The following HK1 variants were observed in gnomAD, a reference collection of about 807,000 sequenced individuals.
HK1 encodes hexokinase 1.
Under a neutral mutation model 91.6 loss-of-function variants are expected in HK1, and 28 were observed. The observed-to-expected ratio is 0.31, with a 90% confidence interval of 0.23 to 0.42. The LOEUF is 0.42. Among genes scored for constraint, HK1 ranks in the 10% least tolerant of loss-of-function variants. The probability of loss-of-function intolerance (pLI) is 1.00; values close to 1 mark genes in which losing one functional copy is unlikely to be tolerated. For missense variants in HK1, 770 were observed against 1,219.8 expected, an observed-to-expected ratio of 0.63 and a Z score of 5.49; for synonymous variants, 430 against 468.1, an observed-to-expected ratio of 0.92 and a Z score of 1.05.
At chr10:69,303,323 A>C (rs558722136) in intron 5 of HK1, among the ~76,000 whole-genome samples, 22 of 152,244 alleles carry the variant, frequency 1.4e-4, no homozygotes, top group South Asian at 4.1e-4. Context: ...AATAACACAC[A>C]TGTATTATCT....
intron 2 of HK1, among the ~76,000 whole-genome samples, chr10:69,353,256 G>T (rs1349487705): frequency 6.6e-6 from 1 of 152,140 alleles, no homozygotes; most frequent in Non-Finnish European, 1.5e-5. Flanking sequence ...AATGGTCGAT[G>T]ATTTAATCAA....
intron 7 of HK1, among the ~76,000 whole-genome samples, chr10:69,373,310 T>C (rs895338914): frequency 1.3e-5 from 2 of 152,220 alleles, no homozygotes; most frequent in Admixed American, 1.3e-4. Context: ...CTGTATACAG[T>C]GGACAGGGAG....
intron 4 of HK1, among the ~76,000 whole-genome samples, chr10:69,367,635 C>T (rs1849774818): frequency 1.3e-5 from 2 of 150,360 alleles, no homozygotes; most frequent in South Asian, 2.1e-4. Context: ...ATACTCCAGT[C>T]TGTGTGGCTC....
At chr10:69,371,079 C>T (rs934656395) in intron 7 of HK1, among the ~76,000 whole-genome samples, 4 of 152,188 alleles carry the variant, frequency 2.6e-5, no homozygotes, top group African/African-American at 9.7e-5. Flanking sequence ...CCCAAAAGAT[C>T]TCAGTACTGC....
chr10:69,297,145 T>G (rs1238675627), intron 4 of HK1, among the ~76,000 whole-genome samples: 4 of 152,218 alleles, frequency 2.6e-5, no homozygotes, highest in Non-Finnish European at 5.9e-5. Context: ...TAACATAAAG[T>G]CAATTAACAA....
chr10:69,324,608 G>A (rs1426326920), intron 1 of HK1, among the ~76,000 whole-genome samples: 1 of 152,136 alleles, frequency 6.6e-6, no homozygotes, highest in African/African-American at 2.4e-5. Context: ...AAAAAATGAA[G>A]TATTTGCTGT....
intron 2 of HK1, among the ~76,000 whole-genome samples, chr10:69,285,894 G>T (rs1240986037): frequency 1.3e-5 from 2 of 152,170 alleles, no homozygotes; most frequent in African/African-American, 2.4e-5. Flanking sequence ...CAGTCCCAAG[G>T]GTTCCTTCCC....
intron 2 of HK1, among the ~76,000 whole-genome samples, chr10:69,349,640 G>A (rs1001920108): frequency 2.6e-5 from 4 of 152,180 alleles, no homozygotes; most frequent in East Asian, 1.9e-4. Context: ...CAACCCCTGA[G>A]CTAGCCACAT....
chr10:69,387,527 T>A, intron 13 of HK1, among the ~76,000 whole-genome samples: 1 of 129,296 alleles, frequency 7.7e-6, no homozygotes, highest in East Asian at 2.4e-4. Flanking sequence ...GCTCAAGCAA[T>A]CTGCTCGCCT....
chr10:69,312,291 C>T (rs2132539216), upstream of HK1, among the ~76,000 whole-genome samples: 1 of 152,298 alleles, frequency 6.6e-6, no homozygotes, highest in South Asian at 2.1e-4. Context: ...GGCTGGAGGG[C>T]AGTGGCATGA....
Position 69,380,155 on chromosome 10 carries a change from C to T in HK1, c.1265+60C>T, listed in dbSNP as rs1200798906. ...ACCCATTGTGGGTAGGGACCTTCTC[C>T]AGAGATCAGACTTTTGTACCCGGTA... On this transcript the variant is annotated intron_variant, in intron 9 of 17. Coordinates refer to ENST00000359426, the MANE Select transcript of HK1 (RefSeq NM_000188.3). This position sits in a 1 kb window ranked among gnomAD's most constrained non-coding sequence, Gnocchi z 4.0. The T allele has an allele frequency of 7.3e-7, 1 of 1,368,372 alleles. No homozygotes were observed. Among genetic ancestry groups the T allele is most frequent in the African/African-American group, 1.4e-5 (1 of 70,034 alleles). The allele number at this position is 1,368,372 out of a possible 1,614,324, so 84.8% of individuals were successfully genotyped here.
chr10:69,338,551 G>T, intron 1 of HK1: 1 of 1,289,720 alleles, frequency 7.8e-7, no homozygotes, highest in African/African-American at 1.5e-5. Context: ...GTGCTGTGCG[G>T]TGTCCTCCCC....
intron 2 of HK1, among the ~76,000 whole-genome samples, chr10:69,350,796 CT>C (rs985185243): frequency 6.6e-5 from 10 of 152,220 alleles, no homozygotes; most frequent in Middle Eastern, 3.4e-3. Flanking sequence ...TTTTGTGCCC[CT>C]TTTCCCCCTA....
intron 2 of HK1, among the ~76,000 whole-genome samples, chr10:69,350,959 A>G (rs1000454287): frequency 2.7e-5 from 4 of 146,232 alleles, no homozygotes; most frequent in Admixed American, 6.9e-5. Context: ...TCACGAGGTC[A>G]GGAGATCGAG....
At chr10:69,391,816 T>C (rs991836376) in intron 14 of HK1, among the ~76,000 whole-genome samples, 2 of 152,220 alleles carry the variant, frequency 1.3e-5, no homozygotes, top group South Asian at 2.1e-4. Flanking sequence ...ACCTCTACCA[T>C]TGATGCTCCA....
At chr10:69,366,126 T>C (rs10762287) in intron 4 of HK1, among the ~76,000 whole-genome samples, 71,468 of 152,010 alleles carry the variant, frequency 0.47, 18,060 homozygotes, top group African/African-American at 0.64. Flanking sequence ...CCACTGCACC[T>C]GGCCAGGCTC....
chr10:69,329,450 C>T (rs542478568), intron 1 of HK1, among the ~76,000 whole-genome samples: 92 of 152,212 alleles, frequency 6.0e-4, no homozygotes, highest in South Asian at 2.7e-3. Context: ...CGTGAGCCAC[C>T]GCGCCCGGCC....
intron 14 of HK1, among the ~76,000 whole-genome samples, chr10:69,390,632 A>G (rs770885851): frequency 6.6e-6 from 1 of 152,180 alleles, no homozygotes; most frequent in Non-Finnish European, 1.5e-5. Context: ...GGGGATGAAA[A>G]CTACCAAAGC....
chr10:69,352,841 A>T (rs1369401185), intron 2 of HK1, among the ~76,000 whole-genome samples: 3 of 152,112 alleles, frequency 2.0e-5, no homozygotes, highest in Non-Finnish European at 4.4e-5. Flanking sequence ...AAACCACTGA[A>T]TTTTTCACTT....
Sources: gnomAD v4.1 joint callset for allele counts (sites outside exome capture counted in the v4.1 genomes callset) on GRCh38, gnomAD v4.1.1 for gene constraint, Gnocchi (gnomAD v3.1) non-coding constraint, MANE v1.5 for transcripts, NCBI Gene and HGNC (gene_info 2026-07-23, HGNC 2026-07-21) for gene names.